RBL2: variants seen among roughly 807,000 people sequenced by gnomAD.
The protein encoded by RBL2 is retinoblastoma-like protein 2.
Under a neutral mutation model 126.0 loss-of-function variants are expected in RBL2, and 56 were observed. The observed-to-expected ratio is 0.44, with a 90% confidence interval of 0.36 to 0.56. The LOEUF (loss-of-function observed/expected upper bound fraction) is 0.56. RBL2 is among the 20% of genes least tolerant of loss of function. RBL2 has a pLI of 0.00. For synonymous variants in RBL2, 454 were observed against 478.5 expected, an observed-to-expected ratio of 0.95 and a Z score of 0.67; for missense variants, 1,229 against 1,398.2, an observed-to-expected ratio of 0.88 and a Z score of 1.93.
intron 14 of RBL2, among the ~76,000 whole-genome samples, chr16:53,468,098 T>G (rs540595146): frequency 1.3e-5 from 2 of 152,246 alleles, no homozygotes; most frequent in African/African-American, 2.4e-5. Flanking sequence ...ATATGTGAGA[T>G]AGAACTACTT....
intron 3 of RBL2, among the ~76,000 whole-genome samples, chr16:53,444,673 C>A (rs28566993): frequency 0.017 from 2,663 of 152,176 alleles, 81 homozygotes; most frequent in African/African-American, 0.061. Context: ...TGTGCCAAAA[C>A]CCCATCTCCA....
At chr16:53,461,906 C>T (rs1004872116) in intron 10 of RBL2, 56 bp downstream of exon 10, 10 of 1,397,880 alleles carry the variant, frequency 7.2e-6, no homozygotes, top group African/African-American at 1.4e-5. Context: ...TAAATGGAGT[C>T]ATTTCTTACT....
Position 53,453,453 on chromosome 16 carries a change from C to G in RBL2, c.768C>G (p.Gly256=). ...RKELVNPNFK[G]LSEDFHAKDS... ...GTTTTGTGATTCTATACACCATAGG[C>G]TTATCTGAAGATTTTCATGCTAAAG... The change falls in exon 6 of 22, where the codon GGC becomes GGG. Residue 256 remains glycine (G), a splice_region_variant and synonymous_variant. Transcript: ENST00000262133. 1 of 1,611,716 alleles carries G rather than the reference C, an allele frequency of 6.2e-7. No homozygotes were observed. The highest frequency in any genetic ancestry group is 8.5e-7 in the Non-Finnish European group (1 of 1,178,334).
At chr16:53,473,695 C>T (rs751966918) in intron 17 of RBL2, among the ~76,000 whole-genome samples, 4 of 151,728 alleles carry the variant, frequency 2.6e-5, no homozygotes, top group Non-Finnish European at 5.9e-5. Context: ...ACAGAACTGT[C>T]GAAAGCAGAA....
chr16:53,451,679 CTG>C, intron 4 of RBL2, 22 bp from the exon 5 acceptor site: 6 of 1,609,654 alleles, frequency 3.7e-6, no homozygotes, highest in Non-Finnish European at 5.1e-6. Context: ...TAATTTAACT[CTG>C]TAACTGCTTA....
chr16:53,459,466 A>G lies in RBL2; in HGVS notation c.1195A>G (p.Ile399Val), dbSNP rs768908740. ...QHFDKSKALR[I>V]STPLTGVRYI... is the part of the protein sequence containing the mutation. Reference sequence around the variant, plus strand: ...TTTTCTTTAGTCCAAAGCACTTAGAATCTCCACACCACTAACTGGTGTTAG... The same window carrying G: ...TTTTCTTTAGTCCAAAGCACTTAGAGTCTCCACACCACTAACTGGTGTTAG... The change falls in exon 9 of 22, where the codon ATC (isoleucine) becomes GTC (valine). Residue 399 changes from isoleucine (I) to valine (V), a missense_variant. Physicochemically the swap from Ile to Val is conservative, Grantham distance 29 (BLOSUM62 3). Coordinates refer to ENST00000262133, the MANE Select transcript of RBL2 (RefSeq NM_005611.4). 25 of 1,612,506 alleles carry G rather than the reference A, an allele frequency of 1.6e-5. No individual in the cohort carries two copies. Among genetic ancestry groups the G allele is most frequent in the Middle Eastern group, 3.3e-4 (2 of 6,022 alleles).
rs374814957 is a variant in RBL2 at position 53,461,855 on chromosome 16, G to C, written c.1456+5G>C. The C allele has an allele frequency of 1.3e-5, 21 of 1,595,476 alleles. No individual in the cohort carries two copies. Among genetic ancestry groups the C allele is most frequent in the East Asian group, 9.0e-5 (4 of 44,578 alleles). ...ATTTCAGTAATTGTGCTAAAGGTAA[G>C]GTTTAACATTGTTATTCTGCTTTTA... On this transcript the variant is annotated splice_donor_5th_base_variant and intron_variant, in intron 10 of 21. Transcript: ENST00000262133.
chr16:53,477,112 T>C (rs538325924), intron 17 of RBL2, among the ~76,000 whole-genome samples: 1 of 152,234 alleles, frequency 6.6e-6, no homozygotes, highest in East Asian at 1.9e-4. Flanking sequence ...ACCATATATC[T>C]CTTATCAAAA....
Position 53,461,848 on chromosome 16 carries a change from A to T in RBL2, c.1454A>T (p.Lys485Ile), listed in dbSNP as rs778054389. Residue 485 changes from lysine (K) to isoleucine (I), a missense_variant and splice_region_variant, in exon 10 of 22, where the codon AAA becomes ATA. Around this residue, in one of 2 missense-constraint regions of RBL2, gnomAD observed 1,070 missense variants for 1,274.3 expected, o/e 0.84. Coordinates refer to ENST00000262133, the MANE Select transcript of RBL2 (RefSeq NM_005611.4). Reference protein sequence around the residue: ...QPDEDFSNCAKEIASKHFRFA... With the variant: ...QPDEDFSNCAIEIASKHFRFA... ...GACGAGGATTTCAGTAATTGTGCTA[A>T]AGGTAAGGTTTAACATTGTTATTCT... 2.5e-6 allele frequency: 4 copies of T among 1,605,764 alleles called. No homozygotes were observed. The highest frequency in any genetic ancestry group is 3.4e-6 in the Non-Finnish European group (4 of 1,173,042).
chr16:53,452,206 A>T (rs1475520878), intron 5 of RBL2, among the ~76,000 whole-genome samples: 1 of 152,238 alleles, frequency 6.6e-6, no homozygotes, highest in African/African-American at 2.4e-5. Context: ...TCTTACTTCA[A>T]ATTTTGGTAC....
At chr16:53,450,713 G>T (rs1479331155) in intron 4 of RBL2, among the ~76,000 whole-genome samples, 1 of 152,114 alleles carries the variant, frequency 6.6e-6, no homozygotes, top group Non-Finnish European at 1.5e-5. Context: ...TTATTCTTGG[G>T]ATTATTAGCC....
At chr16:53,447,453 G>A (rs948318176) in intron 4 of RBL2, among the ~76,000 whole-genome samples, 1 of 151,962 alleles carries the variant, frequency 6.6e-6, no homozygotes, top group Non-Finnish European at 1.5e-5. Context: ...TTATTTAGTT[G>A]AGCGCAATTA....
intron 8 of RBL2, among the ~76,000 whole-genome samples, chr16:53,458,289 C>T (rs998274395): frequency 6.6e-6 from 1 of 152,144 alleles, no homozygotes; most frequent in African/African-American, 2.4e-5. Flanking sequence ...GAAATTTTAT[C>T]TTGAATATTA....
chr16:53,467,728 A>G (rs1018922781), intron 14 of RBL2, among the ~76,000 whole-genome samples: 6 of 152,212 alleles, frequency 3.9e-5, no homozygotes, highest in African/African-American at 1.4e-4. Flanking sequence ...TTTAAAGTGT[A>G]TGTTTATTTA....
In RBL2 at chr16:53,453,741, C is replaced by T. The variant is rs2058138686; in HGVS notation, c.964C>T (p.Leu322=). 6 of 1,611,048 alleles carry T rather than the reference C, an allele frequency of 3.7e-6. No homozygotes were observed. Among genetic ancestry groups the T allele is most frequent in the Non-Finnish European group, 4.2e-6 (5 of 1,178,832 alleles). ...KGKEENLTGF[L]EPGNFGESFK... ...AAAAGAAGAAAATCTCACTGGGTTT[C>T]TAGAACCTGGGAACTTTGGAGAGAG... The change falls in exon 7 of 22, where the codon CTA becomes TTA. Residue 322 remains leucine (L), a synonymous_variant. Transcript: ENST00000262133.
chr16:53,491,392 CAT>C lies in RBL2; in HGVS notation c.*1095_*1096del, dbSNP rs1961442940. 6.6e-6 allele frequency: 1 copy of C among 152,176 alleles called. No individual in the cohort carries two copies. Among genetic ancestry groups the C allele is most frequent in the Non-Finnish European group, 1.5e-5 (1 of 68,014 alleles). The allele number at this position is 152,176 out of a possible 1,614,324, so 9.4% of individuals were successfully genotyped here. A position where few individuals can be genotyped will look rare whatever the true frequency, so the allele number is the denominator to read the frequency against. On this transcript the variant is annotated 3_prime_UTR_variant, in exon 22 of 22. Coordinates refer to ENST00000262133, the MANE Select transcript of RBL2 (RefSeq NM_005611.4). The stretch of plus-strand genomic sequence containing the variant: ...TTATTTAACAGCTGAATTATCTATA[CAT>C]ATCTTTATTAATCACTATTGTTCCA...
At chr16:53,468,445 C>T (rs116257079) in intron 14 of RBL2, among the ~76,000 whole-genome samples, 2,000 of 152,178 alleles carry the variant, frequency 0.013, 49 homozygotes, top group African/African-American at 0.044. Flanking sequence ...ATGAAAAGTC[C>T]TCATTTTTGA....
chr16:53,434,704 G>A lies in RBL2; in HGVS notation c.148G>A (p.Asp50Asn). ...CACCCCTCAGATCCAGCAGCGGTTCGACGAGCTGTGCAGCCGCCTCAACAT... is the reference window on the plus strand; with the variant it reads ...CACCCCTCAGATCCAGCAGCGGTTCAACGAGCTGTGCAGCCGCCTCAACAT... Reference protein sequence around the residue: ...SPTPQIQQRFDELCSRLNMDE... With the variant: ...SPTPQIQQRFNELCSRLNMDE... The change falls in exon 1 of 22, where the codon GAC becomes AAC. Residue 50 changes from aspartate (D) to asparagine (N), a missense_variant. This residue lies in a region of RBL2 where 159 missense variants were observed against 123.9 expected (regional missense o/e 1.28). Transcript: ENST00000262133. 1 of 1,566,070 alleles carries A rather than the reference G, an allele frequency of 6.4e-7. No individual in the cohort carries two copies. The highest frequency in any genetic ancestry group is 8.6e-7 in the Non-Finnish European group (1 of 1,166,002).
intron 8 of RBL2, among the ~76,000 whole-genome samples, chr16:53,455,346 A>C (rs1452758046): frequency 3.3e-5 from 5 of 152,224 alleles, no homozygotes; most frequent in African/African-American, 1.2e-4. Context: ...GAAAACACCA[A>C]ACTTCTGGCA....
Sources: allele counts gnomAD v4.1 joint callset (sites outside exome capture counted in the v4.1 genomes callset), GRCh38; gene constraint gnomAD v4.1.1; regional missense constraint gnomAD v4.1.1; transcripts MANE v1.5; gene names NCBI Gene and HGNC (gene_info 2026-07-23, HGNC 2026-07-21).